RASA1: variants seen among roughly 807,000 people sequenced by gnomAD.
The protein encoded by RASA1 is RAS p21 protein activator 1, also known as ras GTPase-activating protein 1.
A neutral mutation model predicts 132.2 loss-of-function variants in RASA1; 25 were observed. That is an observed-to-expected ratio of 0.19 (90% CI 0.14 to 0.26). The LOEUF is 0.26. RASA1 is among the 10% of genes least tolerant of loss of function. RASA1 has a pLI of 1.00. For missense variants in RASA1, 964 were observed against 1,299.2 expected (o/e 0.74, Z 3.97); for synonymous variants, 477 against 449.9 (o/e 1.06, Z -0.76).
intron 20 of RASA1, among the ~76,000 whole-genome samples, chr5:87,381,937 G>A (rs1438910240): frequency 6.6e-6 from 1 of 152,096 alleles, no homozygotes; most frequent in Non-Finnish European, 1.5e-5. Context: ...AATTTGGGAA[G>A]TCCAAAATTA....
intron 13 of RASA1, among the ~76,000 whole-genome samples, chr5:87,373,681 A>G (rs1761113266): frequency 6.6e-6 from 1 of 152,200 alleles, no homozygotes; most frequent in Admixed American, 6.5e-5. Flanking sequence ...TTAGGTTTGT[A>G]TCCTTTCCTG....
intron 1 of RASA1, among the ~76,000 whole-genome samples, chr5:87,327,579 A>G (rs1415901022): frequency 1.3e-5 from 2 of 152,106 alleles, no homozygotes; most frequent in Non-Finnish European, 2.9e-5. Flanking sequence ...GCTAGTATGC[A>G]TTGTCTCTTT....
intron 1 of RASA1, among the ~76,000 whole-genome samples, chr5:87,322,357 G>C (rs555284908): frequency 6.6e-6 from 1 of 152,180 alleles, no homozygotes; most frequent in African/African-American, 2.4e-5. Context: ...AACTCCTCAC[G>C]TGAGGGATAT....
At chr5:87,341,373 T>G (rs556529341) in intron 6 of RASA1, 52 bp downstream of exon 6, 83 of 1,223,902 alleles carry the variant, frequency 6.8e-5, no homozygotes, top group Admixed American at 5.4e-4. Flanking sequence ...ATTGTAAATT[T>G]ACTAATTGGA....
chr5:87,346,831 C>A, intron 7 of RASA1, 107 bp downstream of exon 7: 1 of 806,964 alleles, frequency 1.2e-6, no homozygotes, highest in Non-Finnish European at 2.0e-6. Context: ...AGTGTTTATG[C>A]ATGTTATAAT....
At chr5:87,348,068 G>A (rs1325715402) in intron 7 of RASA1, among the ~76,000 whole-genome samples, 1 of 151,956 alleles carries the variant, frequency 6.6e-6, no homozygotes, top group East Asian at 1.9e-4. Context: ...TCATATTCTA[G>A]AAGAAATTTA....
At chr5:87,347,132 C>G (rs930174715) in intron 7 of RASA1, among the ~76,000 whole-genome samples, 2 of 151,976 alleles carry the variant, frequency 1.3e-5, no homozygotes, top group African/African-American at 4.8e-5. Flanking sequence ...TCATTACTCT[C>G]TTTTATGGAT....
intron 1 of RASA1, among the ~76,000 whole-genome samples, chr5:87,306,239 T>C (rs1354986326): frequency 6.6e-6 from 1 of 152,166 alleles, no homozygotes; most frequent in Non-Finnish European, 1.5e-5. Flanking sequence ...AATAATAGAC[T>C]GGATAAAGAA....
At position 87,377,003 on chromosome 5, in the gene RASA1, G is replaced by A. The variant is rs780065565; in HGVS notation, c.2307G>A (p.Leu769=). ...TTCACGAAAAGCTTGAATCGTTGTTGTTATGCACACTAAATGACAGAGAAA... is the reference window on the plus strand; with the variant it reads ...TTCACGAAAAGCTTGAATCGTTGTTATTATGCACACTAAATGACAGAGAAA... ...IFLHEKLESL[L]LCTLNDREIS... The change falls in exon 17 of 25, where the codon TTG becomes TTA. Residue 769 remains leucine (L), a synonymous_variant. Coordinates refer to ENST00000274376, the MANE Select transcript of RASA1 (RefSeq NM_002890.3). 9 of 1,613,794 alleles carry A rather than the reference G, an allele frequency of 5.6e-6. No individual in the cohort carries two copies. The highest frequency in any genetic ancestry group is 7.6e-6 in the Non-Finnish European group (9 of 1,179,786).
intron 24 of RASA1, 117 bp downstream of exon 24, chr5:87,389,644 C>A: frequency 7.5e-7 from 1 of 1,337,740 alleles, no homozygotes; most frequent in Non-Finnish European, 1.1e-6. Flanking sequence ...TTTTGAGACT[C>A]TGCATCATAT....
At chr5:87,390,510 G>C (rs1362200528) in intron 24 of RASA1, among the ~76,000 whole-genome samples, 1 of 151,574 alleles carries the variant, frequency 6.6e-6, no homozygotes. Flanking sequence ...TTAAAAGAGA[G>C]ATAAACTGCT....
chr5:87,361,845 AT>A lies in RASA1; in HGVS notation c.1333-697del, dbSNP rs558527534. Among the ~76,000 whole-genome samples, 508 of 142,526 alleles carry A rather than the reference AT, an allele frequency of 3.6e-3. 7 individuals are homozygous for A. The highest frequency in any genetic ancestry group is 0.013 in the African/African-American group (466 of 35,742). The allele number at this position is 142,526 out of a possible 152,430, so 93.5% of individuals were successfully genotyped here. ...ATAAATATGTTGCTTAGTTTTATAC[AT>A]TTTTTTTTAAGAAATATGTACATCC... is the stretch of plus-strand genomic sequence containing the variant. On this transcript the variant is annotated intron_variant, in intron 9 of 24. Coordinates refer to ENST00000274376, the MANE Select transcript of RASA1 (RefSeq NM_002890.3).
At chr5:87,338,529 A>G (rs1203564688) in intron 5 of RASA1, among the ~76,000 whole-genome samples, 2 of 92,368 alleles carry the variant, frequency 2.2e-5, no homozygotes, top group Non-Finnish European at 4.3e-5. Flanking sequence ...ATATATATAT[A>G]TATAAAATTT....
At chr5:87,352,123 C>G (rs1317748734) in intron 8 of RASA1, among the ~76,000 whole-genome samples, 2 of 151,304 alleles carry the variant, frequency 1.3e-5, no homozygotes, top group East Asian at 3.9e-4. Flanking sequence ...TTTAATAATG[C>G]TTTTATTTAT....
intron 1 of RASA1, among the ~76,000 whole-genome samples, chr5:87,278,909 CTTTTTTTTT>C (rs58122450): frequency 7.6e-4 from 64 of 84,012 alleles, no homozygotes; most frequent in South Asian, 2.4e-3. Context: ...CTAATTTGTT[CTTTTTTTTT>C]TTTTTTTTTT....
At chr5:87,278,456 G>A (rs371835380) in intron 1 of RASA1, among the ~76,000 whole-genome samples, 3 of 151,980 alleles carry the variant, frequency 2.0e-5, no homozygotes, top group African/African-American at 4.8e-5. Context: ...TGAGACAGGA[G>A]AATGGCGTGA....
At chr5:87,317,117 A>G (rs1282628297) in intron 1 of RASA1, among the ~76,000 whole-genome samples, 2 of 152,144 alleles carry the variant, frequency 1.3e-5, no homozygotes, top group East Asian at 3.9e-4. Context: ...TCCCGGCCTC[A>G]TGTGATCTGC....
chr5:87,330,261 C>T (rs1561285851), intron 1 of RASA1, among the ~76,000 whole-genome samples: 1 of 151,968 alleles, frequency 6.6e-6, no homozygotes, highest in East Asian at 1.9e-4. Flanking sequence ...GCTTTTATTA[C>T]AACAAGCTTA....
chr5:87,270,117 C>G (rs1345358825), intron 1 of RASA1, among the ~76,000 whole-genome samples: 1 of 151,298 alleles, frequency 6.6e-6, no homozygotes, highest in Non-Finnish European at 1.5e-5. Flanking sequence ...TGGCACGCGC[C>G]TATAATCCTA....
Sources: allele counts gnomAD v4.1 joint callset (sites outside exome capture counted in the v4.1 genomes callset), GRCh38; gene constraint gnomAD v4.1.1; transcripts MANE v1.5; gene names NCBI Gene and HGNC (gene_info 2026-07-23, HGNC 2026-07-21).